RIT2: variants seen among roughly 807,000 people sequenced by gnomAD.
RIT2 encodes Ras like without CAAX 2.
A neutral mutation model predicts 23.7 loss-of-function variants in RIT2; 24 were observed. That is an observed-to-expected ratio of 1.01 (90% CI 0.73 to 1.43). RIT2 has a LOEUF of 1.43. RIT2 is among the 40% of genes most tolerant of loss of function. The pLI, the probability that RIT2 is intolerant of heterozygous loss-of-function variation, is 0.00. For missense variants in RIT2, 236 were observed against 266.9 expected (o/e 0.88, Z 0.81); for synonymous variants, 107 against 91.1 (o/e 1.17, Z -0.99).
At chr18:42,816,062 G>A (rs1364555715) in intron 4 of RIT2, among the ~76,000 whole-genome samples, 1 of 151,862 alleles carries the variant, frequency 6.6e-6, no homozygotes, top group Admixed American at 6.6e-5. Flanking sequence ...CTTTGAATCA[G>A]CTGATACGTC....
At chr18:42,804,585 A>AT (rs1905628869) in intron 4 of RIT2, among the ~76,000 whole-genome samples, 1 of 148,512 alleles carries the variant, frequency 6.7e-6, no homozygotes, top group Admixed American at 6.6e-5. Context: ...AAAAAAAAAA[A>AT]ATTGAAAAAA....
At chr18:42,954,374 C>CAA (rs200231977) in intron 3 of RIT2, among the ~76,000 whole-genome samples, 13 of 86,268 alleles carry the variant, frequency 1.5e-4, no homozygotes, top group Non-Finnish European at 2.6e-4. Context: ...ATTTCCAACT[C>CAA]AAAAAAAAAA....
intron 2 of RIT2, among the ~76,000 whole-genome samples, chr18:42,998,746 A>G (rs953991038): frequency 6.6e-6 from 1 of 152,056 alleles, no homozygotes; most frequent in African/African-American, 2.4e-5. Flanking sequence ...AATTTTGCCA[A>G]GTGGGTGTGC....
At chr18:43,005,842 A>C (rs558878981) in intron 2 of RIT2, among the ~76,000 whole-genome samples, 1 of 151,858 alleles carries the variant, frequency 6.6e-6, no homozygotes, top group East Asian at 2.0e-4. Flanking sequence ...GGATCCAAAA[A>C]CTAGTACTCA....
At chr18:43,080,059 C>T (rs1321075234) in intron 1 of RIT2, among the ~76,000 whole-genome samples, 4 of 152,178 alleles carry the variant, frequency 2.6e-5, no homozygotes, top group Non-Finnish European at 5.9e-5. Context: ...CTTTAAATTT[C>T]AGTCAGTATT....
rs888387661 is a variant in RIT2, at chr18:42,996,470, T to C, written c.161-22323A>G. ...TGCAGGTACACATCCAGATGGCCCATTCCTGCATTAACTGATGACATTCCA... is the reference window on the plus strand; with the variant it reads ...TGCAGGTACACATCCAGATGGCCCACTCCTGCATTAACTGATGACATTCCA... On this transcript the variant is annotated intron_variant, in intron 2 of 4. Coordinates refer to ENST00000326695, the MANE Select transcript of RIT2 (RefSeq NM_002930.4). Among the ~76,000 whole-genome samples the C allele has an allele frequency of 2.0e-5, 3 of 151,968 alleles. No individual in the cohort carries two copies. The South Asian group carries it at 6.2e-4, about 32-fold the overall frequency.
At chr18:42,795,345 A>C (rs1220764637) in intron 4 of RIT2, among the ~76,000 whole-genome samples, 2 of 152,196 alleles carry the variant, frequency 1.3e-5, no homozygotes, top group Non-Finnish European at 2.9e-5. Context: ...CGACCCTGCC[A>C]GCCCCGGGCA....
At chr18:42,969,768 T>C (rs1476221401) in intron 3 of RIT2, among the ~76,000 whole-genome samples, 1 of 152,092 alleles carries the variant, frequency 6.6e-6, no homozygotes, top group Non-Finnish European at 1.5e-5. Context: ...AAACATGATA[T>C]ATATTTTGCT....
At chr18:42,795,558 G>A (rs887739991) in intron 4 of RIT2, among the ~76,000 whole-genome samples, 2 of 152,322 alleles carry the variant, frequency 1.3e-5, no homozygotes, top group South Asian at 2.1e-4. Flanking sequence ...CCGGATGAGC[G>A]CAGCCCCCTG....
At chr18:43,045,637 G>T (rs1272609341) in intron 1 of RIT2, among the ~76,000 whole-genome samples, 1 of 152,112 alleles carries the variant, frequency 6.6e-6, no homozygotes, top group East Asian at 1.9e-4. Flanking sequence ...AAAACACTTT[G>T]AGAAGAGATC....
intron 4 of RIT2, among the ~76,000 whole-genome samples, chr18:42,913,627 T>C (rs1730518006): frequency 6.6e-6 from 1 of 151,652 alleles, no homozygotes; most frequent in South Asian, 2.1e-4. Flanking sequence ...GAAAGACAAA[T>C]ACTTAATGAT....
chr18:43,065,188 C>G (rs1465428542), intron 1 of RIT2, among the ~76,000 whole-genome samples: 1 of 146,744 alleles, frequency 6.8e-6, no homozygotes, highest in East Asian at 2.0e-4. Flanking sequence ...ACATTATAAG[C>G]TCTGTTCAGC....
At chr18:42,917,828 A>T (rs1415830162) in intron 4 of RIT2, among the ~76,000 whole-genome samples, 2 of 151,894 alleles carry the variant, frequency 1.3e-5, no homozygotes, top group East Asian at 3.9e-4. Flanking sequence ...CTTCACCCAA[A>T]TCCTCCCCAC....
chr18:42,889,367 A>C (rs1908112006), intron 4 of RIT2, among the ~76,000 whole-genome samples: 1 of 152,036 alleles, frequency 6.6e-6, no homozygotes, highest in South Asian at 2.1e-4. Flanking sequence ...CACATGCTAA[A>C]CTTTCTGATT....
Position 42,976,880 on chromosome 18 carries a change from T to C in RIT2, c.161-2733A>G, listed in dbSNP as rs546327108. On this transcript the variant is annotated intron_variant, in intron 2 of 4. Coordinates refer to ENST00000326695, the MANE Select transcript of RIT2 (RefSeq NM_002930.4). ...AATGTATAAGATAATGGCATTAGGG[T>C]TGGAGGAAAGTTGACAGATTTGCAA... 1.4e-4 allele frequency among the ~76,000 whole-genome samples: 22 copies of C among 151,942 alleles called. No individual in the cohort carries two copies. The South Asian group carries it at 4.6e-3, about 32-fold the overall frequency.
At chr18:42,912,359 T>C (rs566531872) in intron 4 of RIT2, among the ~76,000 whole-genome samples, 31 of 151,980 alleles carry the variant, frequency 2.0e-4, no homozygotes, top group Non-Finnish European at 2.7e-4. Flanking sequence ...GCTTCTAAGA[T>C]TGGGCACAAG....
At chr18:43,087,211 T>G (rs1009731602) in intron 1 of RIT2, among the ~76,000 whole-genome samples, 1 of 151,772 alleles carries the variant, frequency 6.6e-6, no homozygotes, top group Non-Finnish European at 1.5e-5. Flanking sequence ...CACTGCAGTC[T>G]AGCCTGGGCA....
At chr18:42,849,598 T>C (rs1280294951) in intron 4 of RIT2, among the ~76,000 whole-genome samples, 2 of 152,202 alleles carry the variant, frequency 1.3e-5, no homozygotes, top group Admixed American at 6.5e-5. Context: ...ACATCTGTAT[T>C]AGTACAACTG....
intron 4 of RIT2, among the ~76,000 whole-genome samples, chr18:42,841,629 A>AAG (rs779971580): frequency 7.9e-5 from 12 of 152,156 alleles, no homozygotes; most frequent in African/African-American, 1.2e-4. Context: ...TCAAGAACTG[A>AAG]ACTTCTCTGT....
Sources: allele counts gnomAD v4.1 joint callset (sites outside exome capture counted in the v4.1 genomes callset), GRCh38; gene constraint gnomAD v4.1.1; transcripts MANE v1.5; gene names NCBI Gene and HGNC (gene_info 2026-07-23, HGNC 2026-07-21).